Variants in RGS6 observed in about 807,000 individuals in gnomAD.
RGS6 encodes regulator of G protein signaling 6.
Under a neutral mutation model 78.5 loss-of-function variants are expected in RGS6, and 30 were observed. That is an observed-to-expected ratio of 0.38 (90% CI 0.29 to 0.52). The LOEUF is 0.52. Among genes scored for constraint, RGS6 ranks in the 20% least tolerant of loss-of-function variants. RGS6 has a pLI of 0.85. For missense variants in RGS6, 495 were observed against 609.7 expected (o/e 0.81, Z 1.98); for synonymous variants, 206 against 206.0 (o/e 1.00, Z 0.00).
At chr14:72,480,628 G>A (rs962917012) in intron 12 of RGS6, among the ~76,000 whole-genome samples, 18 of 152,144 alleles carry the variant, frequency 1.2e-4, no homozygotes, top group Non-Finnish European at 1.5e-4. Flanking sequence ...AAGGAGACGC[G>A]TGTTAGCTGG....
At chr14:72,599,378 TTTTTC>T in the RGS6 span, among the ~76,000 whole-genome samples, 1 of 148,624 alleles carries the variant, frequency 6.7e-6, no homozygotes, top group South Asian at 2.1e-4. Flanking sequence ...TCTTTTTTTC[TTTTTC>T]TTTTCTTTCC....
chr14:72,112,426 C>G (rs2095789693), intron 2 of RGS6, among the ~76,000 whole-genome samples: 1 of 152,196 alleles, frequency 6.6e-6, no homozygotes, highest in South Asian at 2.1e-4. Context: ...CACAAAGGTG[C>G]TGAGTGGCAG....
In RGS6 at chr14:72,562,430, C is replaced by T. The variant is rs200728150; in HGVS notation, c.1436C>T (p.Ala479Val). Residue 479 changes from alanine (A) to valine (V), a missense_variant, in exon 18 of 18, where the codon GCG becomes GTG. Ala to Val is a moderately conservative substitution (Grantham distance 64). Transcript: ENST00000553525. ...KFTRSVGKSLAGKRLTGLMQS... is the reference protein window; with the variant it reads ...KFTRSVGKSLVGKRLTGLMQS... ...GTCTCTCTGCAGGGAAAGTCGCTGG[C>T]GGGCAAGCGCCTCACGGGCCTGATG... The T allele has an allele frequency of 8.7e-6, 14 of 1,612,772 alleles. No homozygotes were observed. Among genetic ancestry groups the T allele is most frequent in the South Asian group, 1.1e-5 (1 of 91,094 alleles).
intron 3 of RGS6, among the ~76,000 whole-genome samples, chr14:72,373,055 C>G (rs7146606): frequency 0.57 from 85,989 of 151,886 alleles, 25,999 homozygotes; most frequent in African/African-American, 0.79. Context: ...GGAGCATCAT[C>G]ATGGAGACAG....
chr14:71,910,438 A>G, the RGS6 span, among the ~76,000 whole-genome samples: 2 of 152,100 alleles, frequency 1.3e-5, no homozygotes, highest in Non-Finnish European at 2.9e-5. Context: ...ATTTCTCTAC[A>G]GATTTATTGT....
intron 3 of RGS6, among the ~76,000 whole-genome samples, chr14:72,384,649 C>G (rs1001929692): frequency 2.0e-5 from 3 of 152,090 alleles, no homozygotes; most frequent in Non-Finnish European, 4.4e-5. Flanking sequence ...ATCAGTTCCC[C>G]GAGTGTCAGT....
chr14:72,148,777 G>C (rs1371034158), intron 2 of RGS6, among the ~76,000 whole-genome samples: 2 of 152,198 alleles, frequency 1.3e-5, no homozygotes, highest in Non-Finnish European at 2.9e-5. Flanking sequence ...TAGGAGGAAA[G>C]TTGACTTTTA....
chr14:72,557,093 C>T (rs1445628900), intron 17 of RGS6, among the ~76,000 whole-genome samples: 1 of 152,258 alleles, frequency 6.6e-6, no homozygotes, highest in East Asian at 1.9e-4. Flanking sequence ...GCCTCTCTTC[C>T]TTCCCATGCT....
intron 2 of RGS6, among the ~76,000 whole-genome samples, chr14:72,154,634 T>C (rs1272451669): frequency 6.6e-6 from 1 of 152,198 alleles, no homozygotes; most frequent in African/African-American, 2.4e-5. Flanking sequence ...TGTCTGACTT[T>C]GGCCACGGCA....
intron 1 of RGS6, among the ~76,000 whole-genome samples, chr14:71,955,649 T>C (rs2092727382): frequency 6.6e-6 from 1 of 152,182 alleles, no homozygotes; most frequent in Non-Finnish European, 1.5e-5. Flanking sequence ...AGTGTAGCAG[T>C]GAGGACAACC....
At chr14:72,408,376 A>C (rs2093124740) in intron 3 of RGS6, among the ~76,000 whole-genome samples, 1 of 152,218 alleles carries the variant, frequency 6.6e-6, no homozygotes, top group East Asian at 1.9e-4. Flanking sequence ...GTACAGATAA[A>C]CCCTAGATGA....
chr14:72,568,229 C>T (rs952898265), downstream of RGS6, among the ~76,000 whole-genome samples: 5 of 152,194 alleles, frequency 3.3e-5, no homozygotes, highest in Admixed American at 3.3e-4. Context: ...GCCTTAGTGT[C>T]CTCATTTGTG....
At chr14:72,479,906 G>C (rs1342062949) in intron 12 of RGS6, among the ~76,000 whole-genome samples, 1 of 152,212 alleles carries the variant, frequency 6.6e-6, no homozygotes, top group Non-Finnish European at 1.5e-5. Flanking sequence ...TTGAGGGTCG[G>C]TGTGCTAGCA....
chr14:71,981,641 G>T (rs571539763), intron 2 of RGS6, among the ~76,000 whole-genome samples: 4 of 151,982 alleles, frequency 2.6e-5, no homozygotes, highest in African/African-American at 9.7e-5. Context: ...CAGTCTGCCC[G>T]TTCTCAGATC....
At chr14:72,510,402 T>G in intron 14 of RGS6, 123 bp downstream of exon 14, 4 of 1,265,014 alleles carry the variant, frequency 3.2e-6, no homozygotes, top group Non-Finnish European at 4.5e-6. Context: ...TGCCAGCTAA[T>G]CTGGCTGAGG....
At chr14:72,393,500 A>G (rs111862380) in intron 3 of RGS6, among the ~76,000 whole-genome samples, 3,605 of 152,282 alleles carry the variant, frequency 0.024, 71 homozygotes, top group Admixed American at 0.07. Context: ...TCAGATAATG[A>G]AGCTAAGTCA....
At position 72,076,675 on chromosome 14, in the gene RGS6, C is replaced by T. The variant is rs185512926; in HGVS notation, c.84+111800C>T. Among the ~76,000 whole-genome samples, 87 of 152,056 alleles carry T rather than the reference C, an allele frequency of 5.7e-4. 1 individual carries two copies. The East Asian group carries it at 0.014, about 25-fold the overall frequency. On this transcript the variant is annotated intron_variant, in intron 2 of 17. Coordinates refer to ENST00000553525, the MANE Select transcript of RGS6 (RefSeq NM_001204424.2). The stretch of plus-strand genomic sequence containing the variant: ...TCCTGAGTAGCTGGGACTATAGACA[C>T]GTGCCATCATGCCAGCTGAGTTTAA...
intron 3 of RGS6, among the ~76,000 whole-genome samples, chr14:72,411,501 G>A (rs1017281264): frequency 6.6e-5 from 10 of 152,168 alleles, no homozygotes; most frequent in African/African-American, 2.4e-4. Flanking sequence ...ATACAATCAT[G>A]TCATCTGCAA....
the RGS6 span, among the ~76,000 whole-genome samples, chr14:71,923,903 T>C: frequency 2.0e-5 from 3 of 152,182 alleles, no homozygotes; most frequent in Non-Finnish European, 2.9e-5. Flanking sequence ...TGGTGCAAGA[T>C]GGGACAAAGG....
Sources: allele counts gnomAD v4.1 joint callset (sites outside exome capture counted in the v4.1 genomes callset), GRCh38; gene constraint gnomAD v4.1.1; transcripts MANE v1.5; gene names NCBI Gene and HGNC (gene_info 2026-07-23, HGNC 2026-07-21).